The following NKAIN2 variants were observed in gnomAD, a reference collection of about 807,000 sequenced individuals.
The protein encoded by NKAIN2 is sodium/potassium transporting ATPase interacting 2, also known as sodium/potassium-transporting ATPase subunit beta-1-interacting protein 2.
A neutral mutation model predicts 32.6 loss-of-function variants in NKAIN2; 14 were observed. The ratio of observed to expected loss-of-function variants is 0.43; its 90% CI spans 0.28 to 0.67. The LOEUF (loss-of-function observed/expected upper bound fraction) is 0.67, where lower values mean the gene tolerates loss of function less well. Among genes scored for constraint, NKAIN2 ranks in the 30% least tolerant of loss-of-function variants. The pLI, the probability that NKAIN2 is intolerant of heterozygous loss-of-function variation, is 0.17. For missense variants in NKAIN2, 198 were observed against 258.3 expected (o/e 0.77, Z 1.60); for synonymous variants, 80 against 87.2 (o/e 0.92, Z 0.46).
chr6:124,566,480 G>A (rs868592882), intron 3 of NKAIN2, among the ~76,000 whole-genome samples: 1 of 152,046 alleles, frequency 6.6e-6, no homozygotes, highest in African/African-American at 2.4e-5. Flanking sequence ...GATTGCCCTG[G>A]GTCTCCTCTT....
intron 1 of NKAIN2, among the ~76,000 whole-genome samples, chr6:124,185,794 G>A (rs1310700128): frequency 6.6e-6 from 1 of 152,044 alleles, no homozygotes; most frequent in Non-Finnish European, 1.5e-5. Flanking sequence ...TTGGAATTAG[G>A]TTATGGGAGT....
intron 2 of NKAIN2, among the ~76,000 whole-genome samples, chr6:124,334,992 G>T (rs1434612762): frequency 6.6e-6 from 1 of 152,112 alleles, no homozygotes; most frequent in Non-Finnish European, 1.5e-5. Context: ...TGCAAAGGTG[G>T]TTTCACTGAA....
chr6:124,492,685 A>G (rs189911314), intron 3 of NKAIN2, among the ~76,000 whole-genome samples: 2 of 152,164 alleles, frequency 1.3e-5, no homozygotes, highest in Admixed American at 1.3e-4. Flanking sequence ...ATTGATTCTT[A>G]CAATAGATTT....
At chr6:124,659,141 G>A (rs910471753) in intron 4 of NKAIN2, among the ~76,000 whole-genome samples, 1 of 152,084 alleles carries the variant, frequency 6.6e-6, no homozygotes, top group Non-Finnish European at 1.5e-5. Flanking sequence ...GATGTATAAA[G>A]TTAAGGCAAC....
chr6:124,569,148 G>A (rs747874536), intron 3 of NKAIN2, among the ~76,000 whole-genome samples: 6 of 152,104 alleles, frequency 3.9e-5, no homozygotes, highest in Non-Finnish European at 5.9e-5. Context: ...CTGTATATGA[G>A]AACACAAGTA....
chr6:124,064,884 T>C (rs1286075701), intron 1 of NKAIN2, among the ~76,000 whole-genome samples: 1 of 152,156 alleles, frequency 6.6e-6, no homozygotes, highest in African/African-American at 2.4e-5. Flanking sequence ...GTGACTTTGG[T>C]TGTTCCTGCT....
intron 1 of NKAIN2, among the ~76,000 whole-genome samples, chr6:124,278,650 C>CATATGTATATATATATATAT (rs397948818): frequency 1.4e-5 from 1 of 68,986 alleles, no homozygotes; most frequent in African/African-American, 4.6e-5. Flanking sequence ...ATACATAGCT[C>CATATGTATATATATATATAT]ATATATATAT....
At chr6:124,343,599 TC>T (rs1000482388) in intron 2 of NKAIN2, among the ~76,000 whole-genome samples, 96 of 152,134 alleles carry the variant, frequency 6.3e-4, no homozygotes, top group African/African-American at 2.2e-3. Context: ...GAGCATGTTT[TC>T]ATGTGTCTTT....
At chr6:124,541,658 G>C (rs758554815) in intron 3 of NKAIN2, among the ~76,000 whole-genome samples, 1 of 152,092 alleles carries the variant, frequency 6.6e-6, no homozygotes, top group Non-Finnish European at 1.5e-5. Flanking sequence ...GGAAAGATTA[G>C]GTCATGTTTT....
chr6:124,560,953 C>G (rs1780667256), intron 3 of NKAIN2, among the ~76,000 whole-genome samples: 1 of 152,080 alleles, frequency 6.6e-6, no homozygotes, highest in Admixed American at 6.5e-5. Flanking sequence ...ATTAAGGCAC[C>G]AGACATTCTA....
intron 3 of NKAIN2, among the ~76,000 whole-genome samples, chr6:124,619,714 A>C (rs946667609): frequency 3.3e-5 from 5 of 152,156 alleles, no homozygotes; most frequent in Non-Finnish European, 5.9e-5. Context: ...TACCTTCTAC[A>C]CTTGCCATAT....
intron 4 of NKAIN2, among the ~76,000 whole-genome samples, chr6:124,703,961 A>T (rs1774925045): frequency 6.6e-6 from 1 of 152,062 alleles, no homozygotes; most frequent in Admixed American, 6.6e-5. Context: ...AAAAAAAAAT[A>T]AAAATAGAAA....
At chr6:124,135,145 A>G (rs1786678275) in intron 1 of NKAIN2, among the ~76,000 whole-genome samples, 1 of 152,096 alleles carries the variant, frequency 6.6e-6, no homozygotes, top group South Asian at 2.1e-4. Context: ...TTGAAACAAA[A>G]CCTCAAAATA....
intron 1 of NKAIN2, among the ~76,000 whole-genome samples, chr6:124,132,539 G>A (rs1786531667): frequency 6.6e-6 from 1 of 152,174 alleles, no homozygotes; most frequent in African/African-American, 2.4e-5. Context: ...AATAACACTG[G>A]TCCCGGGAAA....
chr6:124,538,584 C>T (rs1655578346), intron 3 of NKAIN2, among the ~76,000 whole-genome samples: 2 of 152,040 alleles, frequency 1.3e-5, no homozygotes, highest in South Asian at 4.1e-4. Context: ...TAAGAACATA[C>T]CCATTTTGAA....
At chr6:124,545,762 G>C (rs1349093357) in intron 3 of NKAIN2, among the ~76,000 whole-genome samples, 3 of 151,980 alleles carry the variant, frequency 2.0e-5, no homozygotes, top group Non-Finnish European at 4.4e-5. Context: ...TTTATGTGCA[G>C]TGTACTAAAT....
At chr6:123,974,466 A>G (rs1415560487) in intron 1 of NKAIN2, among the ~76,000 whole-genome samples, 2 of 152,134 alleles carry the variant, frequency 1.3e-5, no homozygotes, top group Non-Finnish European at 2.9e-5. Context: ...ATCCTCTTTT[A>G]GTGTATTTGA....
rs71021477 is a variant in NKAIN2 at position 124,078,786 on chromosome 6, T to TTGTGTGTG, written c.55-204185_55-204178dup. Among the ~76,000 whole-genome samples, 1,128 of 144,724 alleles carry TTGTGTGTG rather than the reference T, an allele frequency of 7.8e-3. 7 individuals carry two copies. Among genetic ancestry groups the TTGTGTGTG allele is most frequent in the African/African-American group, 0.02 (790 of 39,070 alleles). The allele number at this position is 144,724 out of a possible 152,430, so 94.9% of individuals were successfully genotyped here. ...CAAGCCAAAAATGGCTATGTCGTTTTTGTGTGTGTGTGTGTGTGTGTGTGT... is the reference window on the plus strand; with the variant it reads ...CAAGCCAAAAATGGCTATGTCGTTTTTGTGTGTGTGTGTGTGTGTGTGTGTGTGTGTGT... On this transcript the variant is annotated intron_variant, in intron 1 of 6. Coordinates refer to ENST00000368417, the MANE Select transcript of NKAIN2 (RefSeq NM_001040214.3).
chr6:124,009,892 T>C (rs191154985), intron 1 of NKAIN2, among the ~76,000 whole-genome samples: 4 of 152,270 alleles, frequency 2.6e-5, no homozygotes, highest in Non-Finnish European at 5.9e-5. Flanking sequence ...TGTATATGTG[T>C]ATAAAATGTG....
Sources: gnomAD v4.1 joint callset for allele counts (sites outside exome capture counted in the v4.1 genomes callset) on GRCh38, gnomAD v4.1.1 for gene constraint, MANE v1.5 for transcripts, NCBI Gene and HGNC (gene_info 2026-07-23, HGNC 2026-07-21) for gene names.